The following PDZD4 variants were observed in gnomAD, a reference collection of about 807,000 sequenced individuals.
PDZD4 encodes the protein PDZ domain containing 4, also known as PDZ domain-containing protein 4.
PDZD4 carries 9 observed loss-of-function variants against 38.5 expected under a neutral mutation model. The observed-to-expected ratio is 0.23, with a 90% CI of 0.14 to 0.41. PDZD4 has a LOEUF of 0.41. PDZD4 is among the 10% of genes least tolerant of loss of function. The pLI is 1.00. For synonymous variants in PDZD4, 349 were observed against 315.7 expected, an observed-to-expected ratio of 1.11 and a Z score of -1.12; for missense variants, 612 against 722.0, an observed-to-expected ratio of 0.85 and a Z score of 1.75.
At chrX:153,820,966 C>T (rs1242332441) in intron 1 of PDZD4, among the ~76,000 whole-genome samples, 3 of 112,584 alleles carry the variant, frequency 2.7e-5, no homozygotes, top group Non-Finnish European at 5.6e-5. Context: ...CTGTCCCCAA[C>T]GACCTTACAT....
At position 153,802,285 on chromosome X, in the gene PDZD4, C is replaced by G. The variant is rs2269367; in HGVS notation, c.*1068G>C. The G allele has an allele frequency of 0.086, 9,654 of 111,740 alleles. 357 individuals carry two copies. The highest frequency in any genetic ancestry group is 0.18 in the East Asian group (628 of 3,513). 9.2% of individuals were successfully genotyped at this position (111,740 alleles called of 1,213,427 possible). On this transcript the variant is annotated 3_prime_UTR_variant, in exon 8 of 8. Coordinates refer to ENST00000393758, the MANE Select transcript of PDZD4 (RefSeq NM_001303512.2). Reference sequence around the variant, plus strand: ...GCCTAAGGGGCACCCCACAGGCAGCCTAGTTCACACGTGCAAATCCTGAGG... The same window carrying G: ...GCCTAAGGGGCACCCCACAGGCAGCGTAGTTCACACGTGCAAATCCTGAGG...
chrX:153,807,559 G>A, intron 2 of PDZD4, among the ~76,000 whole-genome samples, 190 bp from the exon 3 acceptor site: 1 of 113,278 alleles, frequency 8.8e-6, no homozygotes. Flanking sequence ...AAGACCGGGG[G>A]CACTTCTCGC....
At chrX:153,806,923 C>T in intron 3 of PDZD4, 83 bp from the exon 4 acceptor site, 1 of 835,932 alleles carries the variant, frequency 1.2e-6, no homozygotes, top group South Asian at 2.2e-5. Flanking sequence ...CAGCCCAGCC[C>T]CTCAGCCCGC....
chrX:153,814,063 T>C (rs782063791), intron 1 of PDZD4, among the ~76,000 whole-genome samples: 31 of 111,617 alleles, frequency 2.8e-4, no homozygotes, highest in African/African-American at 8.8e-4. Context: ...GGTTTCACCA[T>C]GTTGCCCAGG....
In PDZD4 at chrX:153,808,545, G is replaced by T. The variant is rs1557078048; in HGVS notation, c.111C>A (p.Ala37=). The T allele has an allele frequency of 3.5e-5, 42 of 1,199,140 alleles. No homozygotes were observed. The highest frequency in any genetic ancestry group is 4.3e-5 in the Non-Finnish European group (38 of 889,433). Reference sequence around the variant, plus strand: ...CCAGGGGCTCCTTGGAGGAGCGCAGGGCCTGCAGAGTTTGCTCCTGAGACA... The same window carrying T: ...CCAGGGGCTCCTTGGAGGAGCGCAGTGCCTGCAGAGTTTGCTCCTGAGACA... ...SKLSQEQTLQ[A]LRSSKEPLVI... Residue 37 remains alanine (A), a synonymous_variant, in exon 2 of 8, where the codon GCC becomes GCA. Coordinates refer to ENST00000393758, the MANE Select transcript of PDZD4 (RefSeq NM_001303512.2).
intron 2 of PDZD4, chrX:153,808,047 G>A: frequency 9.5e-7 from 1 of 1,054,107 alleles, no homozygotes; most frequent in Non-Finnish European, 1.2e-6. Flanking sequence ...TTGTGAGGCG[G>A]CAGAGGAGAG....
chrX:153,830,052 C>A lies in PDZD4; in HGVS notation c.60+187G>T. 6.9e-6 allele frequency: 4 copies of A among 583,018 alleles called. No individual in the cohort carries two copies. The South Asian group carries it at 1.9e-4, about 28-fold the overall frequency. The allele number at this position is 583,018 out of a possible 1,213,427, so 48.0% of individuals were successfully genotyped here. Reference sequence around the variant, plus strand: ...ACCCGGGCCAACCCCAACTTCCCACCCCACCCGTGGCTGGTTCCCACGGAG... The same window carrying A: ...ACCCGGGCCAACCCCAACTTCCCACACCACCCGTGGCTGGTTCCCACGGAG... On this transcript the variant is annotated intron_variant, in intron 1 of 7. Coordinates refer to ENST00000393758, the MANE Select transcript of PDZD4 (RefSeq NM_001303512.2).
intron 1 of PDZD4, among the ~76,000 whole-genome samples, chrX:153,822,804 A>G (rs1557081668): frequency 9.0e-6 from 1 of 111,168 alleles, no homozygotes; most frequent in African/African-American, 3.3e-5. Flanking sequence ...CAGCCTCCCC[A>G]GAAGCTGGGA....
chrX:153,815,160 G>A (rs1427663671), intron 1 of PDZD4, among the ~76,000 whole-genome samples: 2 of 112,925 alleles, frequency 1.8e-5, no homozygotes, highest in Non-Finnish European at 3.7e-5. Context: ...CTGCCAAGAT[G>A]GGCCCAAGAG....
chrX:153,806,451 C>T (rs73640827), intron 4 of PDZD4, among the ~76,000 whole-genome samples: 2,105 of 112,786 alleles, frequency 0.019, 50 homozygotes, highest in African/African-American at 0.064. Flanking sequence ...GGGCCATCCC[C>T]CTCCTGGGGA....
Position 153,808,409 on chromosome X carries a change from C to T in PDZD4, c.247G>A (p.Ala83Thr). ...GTGGGCGGACGCAGCTTGCCCAGCG[C>T]CATGATATGCTCGAAGGTGATGTCG... Reference protein sequence around the residue: ...QTDITFEHIMALGKLRPPTPP... With the variant: ...QTDITFEHIMTLGKLRPPTPP... The change falls in exon 2 of 8, where the codon GCG becomes ACG. Residue 83 changes from alanine (A) to threonine (T), a missense_variant. Around this residue, in one of 3 missense-constraint regions of PDZD4, gnomAD observed 225 missense variants for 311.0 expected, o/e 0.72. Transcript: ENST00000393758. 2 of 1,211,268 alleles carry T rather than the reference C, an allele frequency of 1.7e-6. No individual in the cohort carries two copies. Among genetic ancestry groups the T allele is most frequent in the Non-Finnish European group, 2.2e-6 (2 of 895,474 alleles).
intron 1 of PDZD4, chrX:153,829,951 G>T (rs2064524862): frequency 2.5e-6 from 2 of 804,522 alleles, no homozygotes; most frequent in Non-Finnish European, 3.1e-6. Flanking sequence ...AGCGTGTGCG[G>T]GGAACTGCGC....
Position 153,807,904 on chromosome X carries a change from T to C in PDZD4, c.314+438A>G, listed in dbSNP as rs1557077680. ...GAATGAGGCAGCGCTCACGCGGTCA[T>C]GAGCCACCAGGCCTGGATGAAAGGC... On this transcript the variant is annotated intron_variant, in intron 2 of 7. Coordinates refer to ENST00000393758, the MANE Select transcript of PDZD4 (RefSeq NM_001303512.2). The C allele has an allele frequency of 5.1e-6, 5 of 982,001 alleles. No homozygotes were observed. In the Admixed American group the frequency reaches 1.2e-4, roughly 24 times the overall value. The allele number at this position is 982,001 out of a possible 1,213,427, so 80.9% of individuals were successfully genotyped here.
At chrX:153,818,330 G>A (rs1227517492) in intron 1 of PDZD4, among the ~76,000 whole-genome samples, 3 of 110,959 alleles carry the variant, frequency 2.7e-5, no homozygotes, top group Non-Finnish European at 5.7e-5. Context: ...GGGGGCAGGC[G>A]GTAGGGCTGA....
chrX:153,803,261 G>GCAAACA lies in PDZD4; in HGVS notation c.*91_*92insTGTTTG. On this transcript the variant is annotated 3_prime_UTR_variant, in exon 8 of 8. Transcript: ENST00000393758. Reference sequence around the variant, plus strand: ...GTGCGCACAGCGAGCACGCGCGCGCGCACACACACACACACACAATCTCTA... The same window carrying GCAAACA: ...GTGCGCACAGCGAGCACGCGCGCGCGCAAACACACACACACACACACACAATCTCTA... 5.2e-6 allele frequency: 3 copies of GCAAACA among 579,960 alleles called. No individual in the cohort carries two copies. The highest frequency in any genetic ancestry group is 7.2e-6 in the Non-Finnish European group (3 of 417,881). 47.8% of individuals were successfully genotyped at this position (579,960 alleles called of 1,213,427 possible).
chrX:153,829,525 G>C (rs1033959559), intron 1 of PDZD4: 16 of 139,097 alleles, frequency 1.2e-4, no homozygotes, highest in Non-Finnish European at 2.1e-4. Flanking sequence ...ACACAGAGAC[G>C]GGGCACAGGA....
In PDZD4 at chrX:153,803,804, G is replaced by A. The variant is rs892322472; in HGVS notation, c.1877C>T (p.Pro626Leu). The change falls in exon 8 of 8, where the codon CCG (proline) becomes CTG (leucine). Residue 626 changes from proline (P) to leucine (L), a missense_variant. By Grantham distance (98) the Pro-to-Leu change is moderately conservative. This residue lies in a region of PDZD4 where 300 missense variants were observed against 284.6 expected (regional missense o/e 1.05). Coordinates refer to ENST00000393758, the MANE Select transcript of PDZD4 (RefSeq NM_001303512.2). ...GGVAAAATEA[P>L]RMEWKVKVRS... ...CACCTTCACTTTCCACTCCATGCGCGGTGCTTCAGTGGCCGCGGCCGCCAC... is the reference window on the plus strand; with the variant it reads ...CACCTTCACTTTCCACTCCATGCGCAGTGCTTCAGTGGCCGCGGCCGCCAC... 1.7e-6 allele frequency: 2 copies of A among 1,202,302 alleles called. No homozygotes were observed. Among genetic ancestry groups the A allele is most frequent in the East Asian group, 3.0e-5 (1 of 33,655 alleles).
chrX:153,808,268 G>C, intron 2 of PDZD4, 74 bp downstream of exon 2: 1 of 1,120,102 alleles, frequency 8.9e-7, no homozygotes, highest in Non-Finnish European at 1.2e-6. Context: ...CGAGAGGGTG[G>C]CGTGCGGATG....
At position 153,804,961 on chromosome X, in the gene PDZD4, T is replaced by G. The variant is rs2092206420; in HGVS notation, c.781-61A>C. 4.4e-6 allele frequency: 5 copies of G among 1,149,032 alleles called. No homozygotes were observed. The Admixed American group carries it at 1.1e-4, about 26-fold the overall frequency. 94.7% of individuals were successfully genotyped at this position (1,149,032 alleles called of 1,213,427 possible). On this transcript the variant is annotated intron_variant, in intron 7 of 7. Transcript: ENST00000393758. The stretch of plus-strand genomic sequence containing the variant: ...CCACGGACAGGGATGTCACGGGATG[T>G]CACAGGAGGATCGGAAGGGGCTTCA...
Sources: gnomAD v4.1 joint callset for allele counts (sites outside exome capture counted in the v4.1 genomes callset) on GRCh38, gnomAD v4.1.1 for gene constraint, gnomAD v4.1.1 regional missense constraint, MANE v1.5 for transcripts, NCBI Gene and HGNC (gene_info 2026-07-23, HGNC 2026-07-21) for gene names.